DPH6: variants seen among roughly 807,000 people sequenced by gnomAD.
DPH6 encodes diphthamine biosynthesis 6, also known as diphthine--ammonia ligase.
In DPH6, 33 loss-of-function variants were observed where a neutral mutation model predicts 38.2. That is an observed-to-expected ratio of 0.86 (90% CI 0.65 to 1.15). The LOEUF is 1.15. Among genes scored for constraint, DPH6 ranks in the 50% most tolerant of loss-of-function variants. The probability of loss-of-function intolerance (pLI) is 0.00; values close to 1 mark genes in which losing one functional copy is unlikely to be tolerated. For synonymous variants in DPH6, 108 were observed against 103.0 expected, an observed-to-expected ratio of 1.05 and a Z score of -0.30; for missense variants, 325 against 320.0, an observed-to-expected ratio of 1.02 and a Z score of -0.12.
At chr15:35,328,391 A>G (rs1315349217), downstream of DPH6, among the ~76,000 whole-genome samples, 1 of 152,024 alleles carries the variant, frequency 6.6e-6, no homozygotes, top group Admixed American at 6.6e-5. Flanking sequence ...TACTTTGTAT[A>G]ATTACATGTA....
exon 4 of DPH6, chr15:35,218,739 T>G (rs2051424656): frequency 6.6e-6 from 1 of 152,198 alleles, no homozygotes; most frequent in Non-Finnish European, 1.5e-5. Flanking sequence ...TAAAGCTTTT[T>G]TTTTTAATTA....
chr15:35,456,260 T>C (rs899291185), intron 3 of DPH6, among the ~76,000 whole-genome samples: 3 of 152,018 alleles, frequency 2.0e-5, no homozygotes, highest in Admixed American at 6.6e-5. Context: ...AAATACAGTA[T>C]AGATCAGAGT....
intron 6 of DPH6, among the ~76,000 whole-genome samples, chr15:35,389,192 T>C (rs2053016571): frequency 6.6e-6 from 1 of 152,238 alleles, no homozygotes; most frequent in African/African-American, 2.4e-5. Flanking sequence ...TTGATTGCAC[T>C]GTGGTCTGAG....
In DPH6 at chr15:35,528,076, G is replaced by A. The variant is rs2055031782; in HGVS notation, c.312+10198C>T. On this transcript the variant is annotated intron_variant, in intron 3 of 8. Coordinates refer to ENST00000256538, the MANE Select transcript of DPH6 (RefSeq NM_080650.4). ...TTTTGCTTGATTTACCGGCAAATGT[G>A]TAATTGCATATCAAAAATAATGCAA... 5.9e-5 allele frequency among the ~76,000 whole-genome samples: 9 copies of A among 152,140 alleles called. No homozygotes were observed. In the South Asian group the frequency reaches 1.9e-3, roughly 31 times the overall value.
chr15:35,269,911 C>T (rs1374417315), intron 3 of DPH6, among the ~76,000 whole-genome samples: 2 of 151,376 alleles, frequency 1.3e-5, no homozygotes, highest in Non-Finnish European at 2.9e-5. Context: ...CTGCCTCAGC[C>T]TCCCGAGTAG....
chr15:35,440,867 G>A (rs139621356), intron 5 of DPH6, among the ~76,000 whole-genome samples: 1 of 152,258 alleles, frequency 6.6e-6, no homozygotes, highest in Non-Finnish European at 1.5e-5. Context: ...GAGTGAACAG[G>A]CAACCTACAG....
At chr15:35,266,983 C>T (rs1437824720) in intron 3 of DPH6, among the ~76,000 whole-genome samples, 1 of 151,976 alleles carries the variant, frequency 6.6e-6, no homozygotes, top group African/African-American at 2.4e-5. Context: ...AATTTGGAGG[C>T]ATTTATAATC....
intron 5 of DPH6, among the ~76,000 whole-genome samples, chr15:35,419,280 A>G (rs2053475126): frequency 6.6e-6 from 1 of 152,152 alleles, no homozygotes; most frequent in South Asian, 2.1e-4. Context: ...ATTTAAAAGA[A>G]CAGATAAGAA....
intron 3 of DPH6, among the ~76,000 whole-genome samples, chr15:35,300,528 T>C (rs1046781854): frequency 2.0e-5 from 3 of 152,166 alleles, no homozygotes; most frequent in African/African-American, 4.8e-5. Flanking sequence ...ACGGATGTAA[T>C]GGACAAAAGA....
chr15:35,417,886 T>C (rs2053455802), intron 5 of DPH6, among the ~76,000 whole-genome samples: 1 of 152,028 alleles, frequency 6.6e-6, no homozygotes, highest in African/African-American at 2.4e-5. Context: ...TCTCTCTTAA[T>C]CTTTGTAATA....
chr15:35,526,347 C>A (rs2055001759), intron 3 of DPH6, among the ~76,000 whole-genome samples: 1 of 152,080 alleles, frequency 6.6e-6, no homozygotes, highest in African/African-American at 2.4e-5. Flanking sequence ...ATAGTTTCTG[C>A]CTTTTCTGAT....
chr15:35,226,055 T>A (rs1279515159), intron 3 of DPH6, among the ~76,000 whole-genome samples: 1 of 152,164 alleles, frequency 6.6e-6, no homozygotes, highest in Non-Finnish European at 1.5e-5. Flanking sequence ...GAAGCCATAG[T>A]GTGCGATGAC....
intron 3 of DPH6, among the ~76,000 whole-genome samples, chr15:35,474,894 T>C (rs1448981442): frequency 6.6e-6 from 1 of 151,914 alleles, no homozygotes; most frequent in Non-Finnish European, 1.5e-5. Flanking sequence ...ATCTGGGAGA[T>C]AATTTTAAAA....
chr15:35,515,325 G>C (rs928328782), intron 3 of DPH6, among the ~76,000 whole-genome samples: 1 of 152,012 alleles, frequency 6.6e-6, no homozygotes, highest in African/African-American at 2.4e-5. Flanking sequence ...TGGGTATGGC[G>C]GGTCATACCT....
intron 6 of DPH6, among the ~76,000 whole-genome samples, chr15:35,410,023 T>C (rs574202133): frequency 1.3e-5 from 2 of 151,690 alleles, no homozygotes; most frequent in East Asian, 3.9e-4. Flanking sequence ...CCAAAAAAGG[T>C]AAAACCCATG....
intron 3 of DPH6, among the ~76,000 whole-genome samples, chr15:35,340,595 T>C (rs928078394): frequency 1.3e-5 from 2 of 152,156 alleles, no homozygotes; most frequent in Non-Finnish European, 2.9e-5. Flanking sequence ...TCCCTCAGCA[T>C]GTGTTTGTCT....
At chr15:35,194,711 C>T in the DPH6 span, among the ~76,000 whole-genome samples, 1 of 152,154 alleles carries the variant, frequency 6.6e-6, no homozygotes, top group African/African-American at 2.4e-5. Flanking sequence ...GTACTAACTA[C>T]ATCAAAGGCA....
intron 3 of DPH6, among the ~76,000 whole-genome samples, chr15:35,346,704 T>C (rs2052464850): frequency 6.6e-6 from 1 of 152,156 alleles, no homozygotes; most frequent in Admixed American, 6.6e-5. Flanking sequence ...AGAGGAATGC[T>C]TAGGTCATTG....
At chr15:35,259,596 C>T (rs1449315780) in intron 3 of DPH6, among the ~76,000 whole-genome samples, 2 of 152,162 alleles carry the variant, frequency 1.3e-5, no homozygotes, top group Non-Finnish European at 2.9e-5. Context: ...AACAAGTTAA[C>T]TGAGATATAG....
Sources: gnomAD v4.1 joint callset for allele counts (sites outside exome capture counted in the v4.1 genomes callset) on GRCh38, gnomAD v4.1.1 for gene constraint, MANE v1.5 for transcripts, NCBI Gene and HGNC (gene_info 2026-07-23, HGNC 2026-07-21) for gene names.